DMD: variants seen among roughly 807,000 people sequenced by gnomAD.
DMD encodes dystrophin.
DMD carries 63 observed loss-of-function variants against 330.1 expected under a neutral mutation model. That is an observed-to-expected ratio of 0.19 (90% CI 0.16 to 0.24). The LOEUF is 0.24. DMD is among the 10% of genes least tolerant of loss of function. The pLI is 1.00. For missense variants in DMD, 3,344 were observed against 2,684.1 expected, an observed-to-expected ratio of 1.25 and a Z score of -5.43; for synonymous variants, 1,223 against 959.8, an observed-to-expected ratio of 1.27 and a Z score of -5.07.
At chrX:32,767,890 G>A (rs1409314338) in intron 7 of DMD, among the ~76,000 whole-genome samples, 1 of 111,368 alleles carries the variant, frequency 9.0e-6, no homozygotes, top group Non-Finnish European at 1.9e-5. Context: ...GTAAATCTCT[G>A]TTTGGGAGAA....
chrX:32,184,498 T>C (rs533922611), intron 44 of DMD, among the ~76,000 whole-genome samples: 10 of 111,493 alleles, frequency 9.0e-5, no homozygotes, highest in African/African-American at 3.2e-4. Context: ...AATTGTATTA[T>C]AGTAGCATTG....
At chrX:32,020,717 G>C (rs909431420) in intron 44 of DMD, among the ~76,000 whole-genome samples, 1 of 112,323 alleles carries the variant, frequency 8.9e-6, no homozygotes, top group Non-Finnish European at 1.9e-5. Flanking sequence ...TGTTGCTTAA[G>C]CCACCCAGTG....
At chrX:33,331,016 C>G (rs2054165546) in intron 1 of DMD, among the ~76,000 whole-genome samples, 1 of 112,194 alleles carries the variant, frequency 8.9e-6, no homozygotes, top group Admixed American at 9.5e-5. Context: ...ACGTTCGTCT[C>G]TAAATTCCTC....
At chrX:31,541,814 C>A (rs1192378412) in intron 55 of DMD, among the ~76,000 whole-genome samples, 1 of 110,595 alleles carries the variant, frequency 9.0e-6, no homozygotes, top group African/African-American at 3.3e-5. Context: ...GCAGGTGAGA[C>A]CAAATATTTT....
intron 45 of DMD, among the ~76,000 whole-genome samples, chrX:31,954,310 T>G (rs2095220420): frequency 8.9e-6 from 1 of 111,775 alleles, no homozygotes; most frequent in Admixed American, 9.5e-5. Context: ...CCTCACTTTT[T>G]TTTATACCCA....
In DMD at chrX:31,680,581, T is replaced by C. The variant is rs760629346; in HGVS notation, c.7661-995A>G. On this transcript the variant is annotated intron_variant, in intron 52 of 78. Coordinates refer to ENST00000357033, the MANE Select transcript of DMD (RefSeq NM_004006.3). The stretch of plus-strand genomic sequence containing the variant: ...TTAATAGAGACAGGGTTTCACCATG[T>C]TGGCCGGGCTGGTCTCAAACTCCTG... 7.3e-4 allele frequency among the ~76,000 whole-genome samples: 80 copies of C among 109,664 alleles called. No individual in the cohort carries two copies. In the Admixed American group the frequency reaches 7.6e-3, roughly 10 times the overall value.
chrX:32,403,104 T>A (rs938589719), intron 30 of DMD, among the ~76,000 whole-genome samples: 1 of 111,767 alleles, frequency 8.9e-6, no homozygotes, highest in Non-Finnish European at 1.9e-5. Flanking sequence ...GGAAAATTTT[T>A]AAAAAGCAAA....
At chrX:31,729,065 G>A (rs1264596473) in intron 52 of DMD, among the ~76,000 whole-genome samples, 1 of 112,140 alleles carries the variant, frequency 8.9e-6, no homozygotes, top group Non-Finnish European at 1.9e-5. Context: ...AGGAGTGTAT[G>A]TCAGAAGAAA....
At chrX:32,530,659 G>A (rs773479859) in intron 17 of DMD, among the ~76,000 whole-genome samples, 2 of 111,922 alleles carry the variant, frequency 1.8e-5, no homozygotes, top group South Asian at 7.4e-4. Context: ...TAAAGCCAAG[G>A]AGTGTGAAAA....
chrX:31,182,935 G>A (rs1195378495), intron 67 of DMD, 31 bp from the exon 68 acceptor site: 4 of 1,160,356 alleles, frequency 3.4e-6, no homozygotes, highest in Non-Finnish European at 3.5e-6. Context: ...GAGAAGGAGG[G>A]CAAAAGGATG....
At chrX:31,617,677 G>T (rs1227079950) in intron 55 of DMD, among the ~76,000 whole-genome samples, 2 of 110,511 alleles carry the variant, frequency 1.8e-5, no homozygotes, top group Non-Finnish European at 3.8e-5. Flanking sequence ...ATACCTCTAA[G>T]AACTCAAAAC....
chrX:32,239,836 G>A (rs771098418), intron 43 of DMD, among the ~76,000 whole-genome samples: 11 of 111,140 alleles, frequency 9.9e-5, no homozygotes, highest in East Asian at 5.7e-4. Flanking sequence ...TATCTTTCTC[G>A]GAAATACCAC....
Position 32,984,760 on chromosome X carries a change from T to G in DMD, c.93+35379A>C, listed in dbSNP as rs568597675. 6.3e-5 allele frequency among the ~76,000 whole-genome samples: 7 copies of G among 111,487 alleles called. No homozygotes were observed. In the South Asian group the frequency reaches 2.3e-3, roughly 36 times the overall value. On this transcript the variant is annotated intron_variant, in intron 2 of 78. Coordinates refer to ENST00000357033, the MANE Select transcript of DMD (RefSeq NM_004006.3). ...TTTGTAGGAGTAAGGAGGTAACACT[T>G]TAAATCTACTTTGTTCAGAGCTGCT... is the stretch of plus-strand genomic sequence containing the variant.
At chrX:32,338,388 T>A (rs1039567626) in intron 41 of DMD, among the ~76,000 whole-genome samples, 1 of 111,259 alleles carries the variant, frequency 9.0e-6, no homozygotes, top group Non-Finnish European at 1.9e-5. Context: ...TAATCCCTAT[T>A]TTTTTCAACT....
chrX:31,362,888 T>G, intron 60 of DMD, among the ~76,000 whole-genome samples: 1 of 112,604 alleles, frequency 8.9e-6, no homozygotes, highest in Non-Finnish European at 1.9e-5. Context: ...AGGCGGAGCT[T>G]GCAGTGAGCC....
chrX:32,628,025 T>G (rs2058467518), intron 11 of DMD, among the ~76,000 whole-genome samples: 1 of 110,333 alleles, frequency 9.1e-6, no homozygotes, highest in Admixed American at 9.7e-5. Flanking sequence ...CGAGCACTTA[T>G]CATTTCTTTA....
chrX:33,013,548 G>A (rs989362118), intron 2 of DMD, among the ~76,000 whole-genome samples: 1 of 111,800 alleles, frequency 8.9e-6, no homozygotes, highest in Non-Finnish European at 1.9e-5. Context: ...CAGGGGCACA[G>A]GAGCCATTTT....
chrX:33,098,884 AAAG>A (rs1244738331), intron 1 of DMD, among the ~76,000 whole-genome samples: 1 of 111,628 alleles, frequency 9.0e-6, no homozygotes, highest in African/African-American at 3.3e-5. Context: ...GAACTTTTCA[AAAG>A]AGACAAAGGC....
chrX:31,530,647 C>CTTTTTTTTTTTTTTTTTTTTTTATTTT (rs2073684904), intron 55 of DMD, among the ~76,000 whole-genome samples: 5 of 49,840 alleles, frequency 1.0e-4, no homozygotes, highest in Non-Finnish European at 1.8e-4. Flanking sequence ...ACTGGTTTCT[C>CTTTTTTTTTTTTTTTTTTTTTTATTTT]TTTTTTTTTT....
Sources: gnomAD v4.1 joint callset for allele counts (sites outside exome capture counted in the v4.1 genomes callset) on GRCh38, gnomAD v4.1.1 for gene constraint, MANE v1.5 for transcripts, NCBI Gene and HGNC (gene_info 2026-07-23, HGNC 2026-07-21) for gene names.